Variants in ACSF3 observed in about 807,000 individuals in gnomAD.
ACSF3 encodes acyl-CoA synthetase family member 3.
In ACSF3, 78 loss-of-function variants were observed where a neutral mutation model predicts 53.2. That is an observed-to-expected ratio of 1.47 (90% CI 1.22 to 1.77). The LOEUF is 1.77. Ranked by LOEUF, ACSF3 falls within the 40% of genes most tolerant of loss-of-function variation. The pLI is 0.00. For missense variants in ACSF3, 937 were observed against 771.1 expected (o/e 1.22, Z -2.55); for synonymous variants, 414 against 333.1 (o/e 1.24, Z -2.65).
intron 1 of ACSF3, among the ~76,000 whole-genome samples, chr16:89,098,196 C>T (rs1209104190): frequency 6.6e-6 from 1 of 152,258 alleles, no homozygotes; most frequent in Non-Finnish European, 1.5e-5. Flanking sequence ...TGACAATTTT[C>T]ATTGTCATGA....
chr16:89,124,416 C>T (rs1187902531), intron 7 of ACSF3, among the ~76,000 whole-genome samples: 2 of 146,918 alleles, frequency 1.4e-5, no homozygotes, highest in Admixed American at 6.8e-5. Flanking sequence ...TGTGTGTTAC[C>T]CGTGCGTGCA....
intron 10 of ACSF3, chr16:89,151,593 C>A: frequency 5.0e-6 from 1 of 200,364 alleles, no homozygotes; most frequent in Non-Finnish European, 1.0e-5. Flanking sequence ...AAAAATCAGT[C>A]TGTGTAATTC....
At chr16:89,110,001 A>T (rs532497520) in intron 4 of ACSF3, among the ~76,000 whole-genome samples, 1 of 152,188 alleles carries the variant, frequency 6.6e-6, no homozygotes. Context: ...TAAGAGTTCT[A>T]TGTGTATTCC....
At chr16:89,114,590 G>A (rs748788908) in intron 6 of ACSF3, 103 bp downstream of exon 6, 45 of 1,547,872 alleles carry the variant, frequency 2.9e-5, no homozygotes, top group Non-Finnish European at 3.9e-5. Flanking sequence ...GGGCGGCATG[G>A]AGGATGCTCC....
intron 1 of ACSF3, among the ~76,000 whole-genome samples, chr16:89,096,166 T>C (rs1974591199): frequency 6.6e-6 from 1 of 152,154 alleles, no homozygotes; most frequent in Non-Finnish European, 1.5e-5. Context: ...CTAGAGTCCT[T>C]GCCCAGCCAC....
At chr16:89,101,553 G>A (rs1053746303) in intron 3 of ACSF3, among the ~76,000 whole-genome samples, 11 of 152,204 alleles carry the variant, frequency 7.2e-5, no homozygotes, top group Non-Finnish European at 1.2e-4. Flanking sequence ...CTCTGGGAGC[G>A]TCCAGGTGTA....
At chr16:89,142,667 ACACCTGCAGAGACACCCT>A (rs544057066) in intron 8 of ACSF3, among the ~76,000 whole-genome samples, 706 of 150,290 alleles carry the variant, frequency 4.7e-3, no homozygotes, top group Middle Eastern at 0.014. Flanking sequence ...AGACAGAGCC[ACACCTGCAGAGACACCCT>A]CACCTGCAGA....
Position 89,133,197 on chromosome 16 carries a change from G to C in ACSF3, c.1301G>C (p.Arg434Pro), listed in dbSNP as rs137995833. The change falls in exon 8 of 11, where the codon CGA becomes CCA. Residue 434 changes from arginine (R) to proline (P), a missense_variant. Physicochemically the swap from Arg to Pro is moderately radical, Grantham distance 103. Transcript: ENST00000614302. ...ELLVRGPSVFREYWNKPEETK... is the reference protein window; with the variant it reads ...ELLVRGPSVFPEYWNKPEETK... ...CTGGTGAGGGGACCCTCCGTGTTTC[G>C]AGAATACTGGAATAAACCAGAAGAA... The C allele has an allele frequency of 6.2e-4, 999 of 1,614,124 alleles. 1 individual carries two copies. The highest frequency in any genetic ancestry group is 7.7e-4 in the Non-Finnish European group (914 of 1,180,024).
At chr16:89,107,376 A>G (rs1408882446) in intron 4 of ACSF3, among the ~76,000 whole-genome samples, 1 of 146,102 alleles carries the variant, frequency 6.8e-6, no homozygotes, top group African/African-American at 2.4e-5. Flanking sequence ...TCCCCGCCTC[A>G]GCACCATCCT....
At chr16:89,099,259 C>G (rs1341492026) in intron 2 of ACSF3, among the ~76,000 whole-genome samples, 1 of 152,244 alleles carries the variant, frequency 6.6e-6, no homozygotes, top group Non-Finnish European at 1.5e-5. Context: ...GACCAGCCCT[C>G]ACGCGTCAGG....
intron 10 of ACSF3, chr16:89,147,875 G>T (rs1386700716): frequency 6.6e-6 from 1 of 152,116 alleles, no homozygotes; most frequent in Non-Finnish European, 1.5e-5. Flanking sequence ...TAATTCAGAA[G>T]TCCACAGTCC....
intron 7 of ACSF3, among the ~76,000 whole-genome samples, chr16:89,123,875 T>G (rs760745749): frequency 6.6e-6 from 1 of 152,056 alleles, no homozygotes; most frequent in Non-Finnish European, 1.5e-5. Flanking sequence ...CTCCTACCAC[T>G]CCCTCACATC....
chr16:89,114,338 G>A lies in ACSF3; in HGVS notation c.978-1G>A, dbSNP rs756599931. ...AACCTGCCTTTGGTTGTGCCGCGTA[G>A]GCTGATGGTCTCAGGCTCAGCTGCC... On this transcript the variant is annotated splice_acceptor_variant, in intron 5 of 10. Coordinates refer to ENST00000614302, the MANE Select transcript of ACSF3 (RefSeq NM_001243279.3). LOFTEE classifies it high-confidence loss of function. 4.3e-6 allele frequency: 7 copies of A among 1,613,886 alleles called. No homozygotes were observed. Among genetic ancestry groups the A allele is most frequent in the Middle Eastern group, 1.6e-4 (1 of 6,084 alleles).
At chr16:89,152,794 C>A (rs1914252824) in intron 10 of ACSF3, 1 of 152,140 alleles carries the variant, frequency 6.6e-6, no homozygotes, top group South Asian at 2.1e-4. Context: ...TCGGGAGGAT[C>A]CTTTGAGCCC....
Position 89,127,726 on chromosome 16 carries a change from T to G in ACSF3, c.1240-5410T>G, listed in dbSNP as rs76779817. 4.3e-3 allele frequency among the ~76,000 whole-genome samples: 655 copies of G among 152,314 alleles called. 2 individuals are homozygous for G. Among genetic ancestry groups the G allele is most frequent in the African/African-American group, 0.015 (619 of 41,582 alleles). On this transcript the variant is annotated intron_variant, in intron 7 of 10. Coordinates refer to ENST00000614302, the MANE Select transcript of ACSF3 (RefSeq NM_001243279.3). ...TCAATTTCTTTAGTGCTTATAGGAC[T>G]GTTCAGGTCATCTGTTGCATCTTGG...
intron 7 of ACSF3, among the ~76,000 whole-genome samples, chr16:89,123,129 G>A (rs1907067885): frequency 6.6e-6 from 1 of 152,188 alleles, no homozygotes; most frequent in Non-Finnish European, 1.5e-5. Flanking sequence ...AGTCGGTGCA[G>A]CAGGTGGAGT....
intron 7 of ACSF3, among the ~76,000 whole-genome samples, chr16:89,127,387 T>C (rs1160732214): frequency 6.6e-6 from 1 of 152,072 alleles, no homozygotes; most frequent in Admixed American, 6.6e-5. Flanking sequence ...GTGTGGGGGA[T>C]AAGGTCTCGT....
In ACSF3 at chr16:89,093,942, C is replaced by A; in HGVS notation, c.-248C>A. ...ACCCCGGCGCGCGCGCGGCGGAGGA[C>A]GAGGAAGAGTTGTGGCGAGGCAGAT... On this transcript the variant is annotated 5_prime_UTR_variant, in exon 1 of 11. Transcript: ENST00000614302. The A allele has an allele frequency of 3.1e-6, 1 of 326,366 alleles. No individual in the cohort carries two copies. Among genetic ancestry groups the A allele is most frequent in the Non-Finnish European group, 6.4e-6 (1 of 156,334 alleles). 20.2% of individuals were successfully genotyped at this position (326,366 alleles called of 1,614,324 possible). A position where few individuals can be genotyped will look rare whatever the true frequency, so the allele number is the denominator to read the frequency against.
chr16:89,139,297 A>C (rs1911260300), intron 8 of ACSF3, among the ~76,000 whole-genome samples: 1 of 151,036 alleles, frequency 6.6e-6, no homozygotes, highest in African/African-American at 2.4e-5. Flanking sequence ...CTTCCCTCCT[A>C]CCGGGTCAGG....
Sources: gnomAD v4.1 joint callset for allele counts (sites outside exome capture counted in the v4.1 genomes callset) on GRCh38, gnomAD v4.1.1 for gene constraint, MANE v1.5 for transcripts, NCBI Gene and HGNC (gene_info 2026-07-23, HGNC 2026-07-21) for gene names.